The following LONP2 variants were observed in gnomAD, a reference collection of about 807,000 sequenced individuals.
LONP2 encodes lon peptidase 2, peroxisomal.
A neutral mutation model predicts 85.6 loss-of-function variants in LONP2; 60 were observed. That is an observed-to-expected ratio of 0.70 (90% CI 0.57 to 0.87). The LOEUF (loss-of-function observed/expected upper bound fraction) is 0.87. Among genes scored for constraint, LONP2 ranks in the 40% least tolerant of loss-of-function variants. The pLI, the probability that LONP2 is intolerant of heterozygous loss-of-function variation, is 0.00. For synonymous variants in LONP2, 395 were observed against 389.7 expected, an observed-to-expected ratio of 1.01 and a Z score of -0.16; for missense variants, 860 against 1,063.5, an observed-to-expected ratio of 0.81 and a Z score of 2.66.
intron 11 of LONP2, among the ~76,000 whole-genome samples, chr16:48,311,247 C>T (rs1197822573): frequency 6.6e-6 from 1 of 152,076 alleles, no homozygotes; most frequent in Admixed American, 6.6e-5. Context: ...AATAGGTTTT[C>T]TGAAATTTTT....
intron 7 of LONP2, 126 bp from the exon 8 acceptor site, chr16:48,277,212 T>C (rs1288827614): frequency 1.3e-6 from 1 of 781,746 alleles, no homozygotes; most frequent in African/African-American, 1.8e-5. Context: ...AAATACATAG[T>C]ACCTCTTTGC....
chr16:48,336,804 A>T (rs554709945), intron 12 of LONP2, among the ~76,000 whole-genome samples: 7 of 152,178 alleles, frequency 4.6e-5, no homozygotes, highest in Non-Finnish European at 1.0e-4. Flanking sequence ...GGATGTATAC[A>T]TGCAGGTCAC....
At chr16:48,249,164 A>G (rs983960487) in intron 1 of LONP2, among the ~76,000 whole-genome samples, 7 of 152,332 alleles carry the variant, frequency 4.6e-5, no homozygotes, top group African/African-American at 1.7e-4. Flanking sequence ...TTAAAACATT[A>G]TCTTAAAACC....
rs1960273235 is a variant in LONP2, at chr16:48,354,744, A to G, written c.*2942A>G. 1 of 152,172 alleles carries G rather than the reference A, an allele frequency of 6.6e-6. No individual in the cohort carries two copies. Among genetic ancestry groups the G allele is most frequent in the African/African-American group, 2.4e-5 (1 of 41,436 alleles). The allele number at this position is 152,172 out of a possible 1,614,324, so 9.4% of individuals were successfully genotyped here. ...TACTTTTCGCCCAGTGTCCTCCAGA[A>G]AAGAAAGATCTGGAGGGTCAGGCCA... is the stretch of plus-strand genomic sequence containing the variant. On this transcript the variant is annotated 3_prime_UTR_variant, in exon 15 of 15. Transcript: ENST00000285737.
At chr16:48,254,657 C>T (rs1190902915) in intron 2 of LONP2, among the ~76,000 whole-genome samples, 1 of 152,196 alleles carries the variant, frequency 6.6e-6, no homozygotes, top group African/African-American at 2.4e-5. Context: ...TGAATCTATG[C>T]TTTCCCAACA....
intron 11 of LONP2, among the ~76,000 whole-genome samples, chr16:48,311,360 TC>T (rs1973027756): frequency 6.6e-6 from 1 of 151,608 alleles, no homozygotes; most frequent in African/African-American, 2.4e-5. Flanking sequence ...AATTCTTTTT[TC>T]TTTTTTTTTT....
chr16:48,303,616 G>T (rs754291908), intron 11 of LONP2, among the ~76,000 whole-genome samples: 1 of 152,160 alleles, frequency 6.6e-6, no homozygotes, highest in Non-Finnish European at 1.5e-5. Context: ...AGTTTAAGGA[G>T]TATTAACTCA....
At chr16:48,320,988 G>T (rs193135959) in intron 11 of LONP2, among the ~76,000 whole-genome samples, 4 of 152,220 alleles carry the variant, frequency 2.6e-5, no homozygotes, top group Admixed American at 6.5e-5. Flanking sequence ...GACTGGAGTG[G>T]AGTGGCCTGG....
chr16:48,334,240 A>G lies in LONP2; in HGVS notation c.1820A>G (p.Asp607Gly). 1.2e-6 allele frequency: 2 copies of G among 1,614,084 alleles called. No homozygotes were observed. ...REGCREHILE[D>G]EKPESISDTT... Reference sequence around the variant, plus strand: ...GGTTGCAGAGAACACATCTTAGAAGATGAAAAACCTGAATCTATCAGTGAC... The same window carrying G: ...GGTTGCAGAGAACACATCTTAGAAGGTGAAAAACCTGAATCTATCAGTGAC... The change falls in exon 12 of 15, where the codon GAT becomes GGT. Residue 607 changes from aspartate (D) to glycine (G), a missense_variant. Asp to Gly is a moderately conservative substitution (Grantham distance 94, BLOSUM62 -1). Transcript: ENST00000285737.
rs1971228123 is a variant in LONP2, at chr16:48,244,517, G to C, written c.129G>C (p.Arg43=). 3 of 1,589,180 alleles carry C rather than the reference G, an allele frequency of 1.9e-6. No individual in the cohort carries two copies. The South Asian group carries it at 3.4e-5, about 18-fold the overall frequency. The change falls in exon 1 of 15, where the codon CGG becomes CGC. Residue 43 remains arginine (R), a synonymous_variant. Transcript: ENST00000285737. ...CGGCCCGCAACCTGCAGCTGGTGCG[G>C]AGCCGCCTTCTGAAGGGCACGTCGC... ...VDSARNLQLV[R]SRLLKGTSLQ... is the part of the protein sequence containing the mutation.
intron 5 of LONP2, 52 bp from the exon 6 acceptor site, chr16:48,262,726 T>C (rs756905012): frequency 1.7e-5 from 20 of 1,166,358 alleles, no homozygotes; most frequent in African/African-American, 1.4e-4. Flanking sequence ...TTTTCTGTTA[T>C]GGAATTTTTC....
At chr16:48,261,682 A>G in intron 5 of LONP2, 95 bp downstream of exon 5, 1 of 924,742 alleles carries the variant, frequency 1.1e-6, no homozygotes, top group Non-Finnish European at 1.6e-6. Context: ...TACTGAGGAT[A>G]CATAATACAA....
downstream of LONP2, among the ~76,000 whole-genome samples, chr16:48,358,816 G>A (rs1447281726): frequency 6.6e-6 from 1 of 152,098 alleles, no homozygotes; most frequent in Admixed American, 6.6e-5. Flanking sequence ...ATGAGCATAT[G>A]TACATACACA....
At chr16:48,309,005 C>T (rs941158002) in intron 11 of LONP2, among the ~76,000 whole-genome samples, 5 of 152,108 alleles carry the variant, frequency 3.3e-5, no homozygotes, top group Non-Finnish European at 7.4e-5. Flanking sequence ...AGATGAAAGA[C>T]ATTTTTCAAA....
At chr16:48,251,687 G>C (rs1247650258) in intron 1 of LONP2, among the ~76,000 whole-genome samples, 2 of 152,174 alleles carry the variant, frequency 1.3e-5, no homozygotes, top group East Asian at 3.8e-4. Context: ...AAACTGACTT[G>C]ATGTTAGTAG....
Position 48,351,915 on chromosome 16 carries a change from T to TAATC in LONP2, c.*115_*118dup. On this transcript the variant is annotated 3_prime_UTR_variant, in exon 15 of 15. Transcript: ENST00000285737. ...GCAAGATGTCCCTGTTTTATAAACA[T>TAATC]AATCACAACAGTAATAAACCTCAAG... 2.7e-6 allele frequency: 2 copies of TAATC among 751,342 alleles called. No individual in the cohort carries two copies. The highest frequency in any genetic ancestry group is 2.7e-5 in the East Asian group (1 of 37,516). The allele number at this position is 751,342 out of a possible 1,614,324, so 46.5% of individuals were successfully genotyped here.
At chr16:48,247,932 A>G (rs1352355611) in intron 1 of LONP2, among the ~76,000 whole-genome samples, 1 of 151,536 alleles carries the variant, frequency 6.6e-6, no homozygotes, top group Admixed American at 6.6e-5. Flanking sequence ...TGCCTGGCCT[A>G]TGTTTATAAT....
At chr16:48,287,590 C>CA (rs1394704934) in intron 8 of LONP2, among the ~76,000 whole-genome samples, 45 of 152,234 alleles carry the variant, frequency 3.0e-4, no homozygotes, top group Admixed American at 2.8e-3. Flanking sequence ...GGGGATGGGG[C>CA]TTTTGAAGGA....
chr16:48,280,146 T>C (rs1475559346), intron 8 of LONP2, among the ~76,000 whole-genome samples: 1 of 152,214 alleles, frequency 6.6e-6, no homozygotes, highest in Non-Finnish European at 1.5e-5. Context: ...CTGGTTCTTT[T>C]TACTATGAAG....
Sources: gnomAD v4.1 joint callset for allele counts (sites outside exome capture counted in the v4.1 genomes callset) on GRCh38, gnomAD v4.1.1 for gene constraint, MANE v1.5 for transcripts, NCBI Gene and HGNC (gene_info 2026-07-23, HGNC 2026-07-21) for gene names.